The following SLC6A17 variants were observed in gnomAD, a reference collection of about 807,000 sequenced individuals.
The protein encoded by SLC6A17 is sodium-dependent neutral amino acid transporter SLC6A17.
SLC6A17 carries 21 observed loss-of-function variants against 64.5 expected under a neutral mutation model. That is an observed-to-expected ratio of 0.33 (90% CI 0.23 to 0.47). SLC6A17 has a LOEUF of 0.47. Among genes scored for constraint, SLC6A17 ranks in the 20% least tolerant of loss-of-function variants. The pLI is 1.00. For synonymous variants in SLC6A17, 372 were observed against 399.5 expected, an observed-to-expected ratio of 0.93 and a Z score of 0.82; for missense variants, 682 against 963.2, an observed-to-expected ratio of 0.71 and a Z score of 3.86.
intron 6 of SLC6A17, among the ~76,000 whole-genome samples, chr1:110,185,427 G>A (rs947796061): frequency 6.6e-6 from 1 of 152,250 alleles, no homozygotes; most frequent in African/African-American, 2.4e-5. Flanking sequence ...GAGAAGCAAG[G>A]TGTGTGCTCC....
At chr1:110,153,610 T>C (rs1240921684) in intron 1 of SLC6A17, among the ~76,000 whole-genome samples, 1 of 150,090 alleles carries the variant, frequency 6.7e-6, no homozygotes, top group Non-Finnish European at 1.5e-5. Context: ...CAGGAGCAAA[T>C]TCCAAGGATG....
chr1:110,198,359 C>T lies in SLC6A17; in HGVS notation c.2099C>T (p.Thr700Ile). ...THRSYLGPGS[T>I]SPLETSGNPN... is the part of the protein sequence containing the mutation. ...CGTTCCTATCTGGGGCCCGGCAGCA[C>T]ATCACCCCTGGAGACCAGCGGTAAC... Residue 700 changes from threonine (T) to isoleucine (I), a missense_variant, in exon 12 of 12, where the codon ACA becomes ATA. By Grantham distance (89) the Thr-to-Ile change is moderately conservative. Coordinates refer to ENST00000331565, the MANE Select transcript of SLC6A17 (RefSeq NM_001010898.4). 6.2e-7 allele frequency: 1 copy of T among 1,614,180 alleles called. No individual in the cohort carries two copies. The highest frequency in any genetic ancestry group is 8.5e-7 in the Non-Finnish European group (1 of 1,180,036).
chr1:110,193,661 CT>C (rs1422169581), intron 8 of SLC6A17, among the ~76,000 whole-genome samples: 3 of 152,234 alleles, frequency 2.0e-5, no homozygotes, highest in Admixed American at 2.0e-4. Flanking sequence ...CACCCCAACC[CT>C]TTCCCTGCGG....
intron 2 of SLC6A17, among the ~76,000 whole-genome samples, chr1:110,170,600 C>G (rs542547636): frequency 6.6e-6 from 1 of 152,372 alleles, no homozygotes; most frequent in African/African-American, 2.4e-5. Flanking sequence ...AAGACAGACC[C>G]AGGGGTCTAA....
intron 6 of SLC6A17, chr1:110,177,828 C>T (rs1453289161): frequency 6.6e-6 from 1 of 152,264 alleles, no homozygotes; most frequent in Non-Finnish European, 1.5e-5. Flanking sequence ...GTTGGAAATC[C>T]CTGTAGGCTC....
chr1:110,160,780 C>A (rs930661969), intron 1 of SLC6A17, among the ~76,000 whole-genome samples: 1 of 152,036 alleles, frequency 6.6e-6, no homozygotes, highest in African/African-American at 2.4e-5. Context: ...AAGCCGAGGC[C>A]CGGGAGATAG....
At chr1:110,167,333 AT>A in intron 2 of SLC6A17, 118 bp downstream of exon 2, 1 of 1,299,020 alleles carries the variant, frequency 7.7e-7, no homozygotes, top group Non-Finnish European at 1.0e-6. Flanking sequence ...GGAGCTCAGG[AT>A]TCCAGAGTAA....
In SLC6A17 at chr1:110,195,882, G is replaced by A. The variant is rs139749837; in HGVS notation, c.1652+137G>A. ...GATCATTTAGGGAAACTGAGGTGTAGTGCAAGGACATGGCTGCCTAAGGCC... is the reference window on the plus strand; with the variant it reads ...GATCATTTAGGGAAACTGAGGTGTAATGCAAGGACATGGCTGCCTAAGGCC... On this transcript the variant is annotated intron_variant, in intron 10 of 11. Transcript: ENST00000331565. 8 of 1,290,336 alleles carry A rather than the reference G, an allele frequency of 6.2e-6. No individual in the cohort carries two copies. In the East Asian group the frequency reaches 2.0e-4, roughly 32 times the overall value. 79.9% of individuals were successfully genotyped at this position (1,290,336 alleles called of 1,614,324 possible). A position where few individuals can be genotyped will look rare whatever the true frequency, so the allele number is the denominator to read the frequency against.
intron 8 of SLC6A17, 32 bp from the exon 9 acceptor site, chr1:110,194,547 C>T (rs369044613): frequency 7.5e-6 from 12 of 1,604,302 alleles, no homozygotes; most frequent in Non-Finnish European, 1.0e-5. Flanking sequence ...GAGGGGTGAC[C>T]TCACAGGCCC....
intron 6 of SLC6A17, among the ~76,000 whole-genome samples, chr1:110,181,085 G>A (rs188781040): frequency 4.8e-4 from 73 of 152,274 alleles, no homozygotes; most frequent in African/African-American, 1.7e-3. Context: ...TCGTGTTGAC[G>A]GCTAATGAAC....
chr1:110,159,718 G>A (rs982473800), intron 1 of SLC6A17, among the ~76,000 whole-genome samples: 1 of 152,322 alleles, frequency 6.6e-6, no homozygotes, highest in East Asian at 1.9e-4. Context: ...GGGATGGCCA[G>A]GCTTCTTAGT....
In SLC6A17 at chr1:110,189,081, C is replaced by G. The variant is rs375751193; in HGVS notation, c.865-2891C>G. Among the ~76,000 whole-genome samples the G allele has an allele frequency of 1.3e-4, 20 of 152,308 alleles. No individual in the cohort carries two copies. The East Asian group carries it at 3.5e-3, about 26-fold the overall frequency. On this transcript the variant is annotated intron_variant, in intron 6 of 11. Coordinates refer to ENST00000331565, the MANE Select transcript of SLC6A17 (RefSeq NM_001010898.4). ...ATTCAGTGTTGGAGATAGGAGCAGG[C>G]TTTTGCTTCTTATCCCTCTGTAACT...
At chr1:110,197,960 T>TGGGAG (rs1657014589) in intron 11 of SLC6A17, 116 bp from the exon 12 acceptor site, 1 of 1,480,624 alleles carries the variant, frequency 6.8e-7, no homozygotes, top group Non-Finnish European at 9.0e-7. Flanking sequence ...GCCAGGATGG[T>TGGGAG]GGGAGGGGAG....
Position 110,197,515 on chromosome 1 carries a change from A to G in SLC6A17, c.1731A>G (p.Pro577=), listed in dbSNP as rs1308777179. The G allele has an allele frequency of 6.2e-7, 1 of 1,613,642 alleles. No individual in the cohort carries two copies. Among genetic ancestry groups the G allele is most frequent in the Non-Finnish European group, 8.5e-7 (1 of 1,179,960 alleles). ...FYFYMWKFVS[P]LCMAVLTTAS... Reference sequence around the variant, plus strand: ...TCTACATGTGGAAGTTCGTGTCTCCACTATGCATGGCTGTGCTCACCACAG... The same window carrying G: ...TCTACATGTGGAAGTTCGTGTCTCCGCTATGCATGGCTGTGCTCACCACAG... The change falls in exon 11 of 12, where the codon CCA becomes CCG. Residue 577 remains proline (P), a synonymous_variant. Transcript: ENST00000331565.
intron 6 of SLC6A17, chr1:110,177,760 C>G (rs1656411171): frequency 6.6e-6 from 1 of 152,292 alleles, no homozygotes; most frequent in Non-Finnish European, 1.5e-5. Flanking sequence ...CACACACACC[C>G]CTTTACACAA....
chr1:110,198,260 TGGA>T lies in SLC6A17; in HGVS notation c.2005_2007del (p.Glu669del), dbSNP rs1657025400. 1 of 1,614,196 alleles carries T rather than the reference TGGA, an allele frequency of 6.2e-7. No homozygotes were observed. The highest frequency in any genetic ancestry group is 8.5e-7 in the Non-Finnish European group (1 of 1,180,028). On this transcript the variant is annotated inframe_deletion, in exon 12 of 12. Coordinates refer to ENST00000331565, the MANE Select transcript of SLC6A17 (RefSeq NM_001010898.4). ...CGCATGATGAAGGACATCTCCAACCTGGAGGAGAACGATGAGACCCGCTTCATC... is the reference window on the plus strand; with the variant it reads ...CGCATGATGAAGGACATCTCCAACCTGGAGAACGATGAGACCCGCTTCATC...
intron 6 of SLC6A17, among the ~76,000 whole-genome samples, chr1:110,191,515 G>T (rs188448483): frequency 6.6e-6 from 1 of 152,074 alleles, no homozygotes; most frequent in Non-Finnish European, 1.5e-5. Flanking sequence ...TGGAGAAGGC[G>T]TCAGGGAGAT....
intron 6 of SLC6A17, among the ~76,000 whole-genome samples, chr1:110,189,903 T>C (rs1416761514): frequency 1.3e-5 from 2 of 152,226 alleles, no homozygotes; most frequent in African/African-American, 4.8e-5. Flanking sequence ...TCTTATGGGC[T>C]CTCCAAGCAC....
intron 1 of SLC6A17, among the ~76,000 whole-genome samples, chr1:110,151,280 A>G (rs1016366156): frequency 6.6e-6 from 1 of 152,124 alleles, no homozygotes; most frequent in Non-Finnish European, 1.5e-5. Context: ...GCGCAGTTCC[A>G]CTGGGAGCCT....
Sources: allele counts gnomAD v4.1 joint callset (sites outside exome capture counted in the v4.1 genomes callset), GRCh38; gene constraint gnomAD v4.1.1; transcripts MANE v1.5; gene names NCBI Gene and HGNC (gene_info 2026-07-23, HGNC 2026-07-21).